Variants in PDE4D observed in about 807,000 individuals in gnomAD.
The protein encoded by PDE4D is phosphodiesterase 4D.
A neutral mutation model predicts 87.4 loss-of-function variants in PDE4D; 24 were observed. The observed-to-expected ratio is 0.27, with a 90% confidence interval of 0.20 to 0.39. The LOEUF is 0.39. PDE4D is among the 10% of genes least tolerant of loss of function. The pLI, the probability that PDE4D is intolerant of heterozygous loss-of-function variation, is 1.00. For missense variants in PDE4D, 714 were observed against 1,041.0 expected (o/e 0.69, Z 4.32); for synonymous variants, 384 against 383.2 (o/e 1.00, Z -0.02).
intron 1 of PDE4D, among the ~76,000 whole-genome samples, chr5:59,767,150 C>CTT (rs34936913): frequency 4.6e-5 from 7 of 151,286 alleles, no homozygotes; most frequent in South Asian, 2.1e-4. Context: ...CTTGTTTCTG[C>CTT]TTTTTTTTTC....
At chr5:59,375,057 C>T (rs1386496427) in intron 1 of PDE4D, among the ~76,000 whole-genome samples, 1 of 152,152 alleles carries the variant, frequency 6.6e-6, no homozygotes, top group Non-Finnish European at 1.5e-5. Context: ...ACATTTATAG[C>T]ATGAAATGCC....
intron 1 of PDE4D, among the ~76,000 whole-genome samples, chr5:60,402,801 C>T (rs945072217): frequency 2.0e-5 from 3 of 152,194 alleles, no homozygotes; most frequent in African/African-American, 7.2e-5. Flanking sequence ...AGTCCTAAAA[C>T]TGTCATTGTT....
At chr5:60,038,712 T>A (rs2152865791) in intron 2 of PDE4D, among the ~76,000 whole-genome samples, 1 of 151,716 alleles carries the variant, frequency 6.6e-6, no homozygotes, top group Middle Eastern at 3.4e-3. Flanking sequence ...ATATCCAGAA[T>A]CTACAATGAA....
intron 1 of PDE4D, among the ~76,000 whole-genome samples, chr5:59,670,088 T>C (rs1200943653): frequency 1.3e-5 from 2 of 152,196 alleles, no homozygotes; most frequent in Non-Finnish European, 2.9e-5. Flanking sequence ...GGAGTGTTGA[T>C]AGAATGTAAC....
At chr5:59,370,152 C>T (rs1417731139) in intron 1 of PDE4D, among the ~76,000 whole-genome samples, 5 of 152,186 alleles carry the variant, frequency 3.3e-5, no homozygotes, top group African/African-American at 9.6e-5. Flanking sequence ...ATTGCAGTGG[C>T]GTCATAACCA....
chr5:59,607,196 T>G (rs893955277), intron 1 of PDE4D, among the ~76,000 whole-genome samples: 1 of 152,144 alleles, frequency 6.6e-6, no homozygotes, highest in South Asian at 2.1e-4. Context: ...GTTCCCCATA[T>G]GCAAAATCAA....
intron 11 of PDE4D, among the ~76,000 whole-genome samples, chr5:58,977,871 T>C (rs1401624096): frequency 6.6e-6 from 1 of 152,182 alleles, no homozygotes; most frequent in Non-Finnish European, 1.5e-5. Context: ...CCAAGCTTTA[T>C]TCATTGTTTT....
At chr5:59,833,036 ATAGT>A (rs1741487201) in intron 1 of PDE4D, among the ~76,000 whole-genome samples, 1 of 152,046 alleles carries the variant, frequency 6.6e-6, no homozygotes, top group African/African-American at 2.4e-5. Context: ...TGGCAGTGAC[ATAGT>A]TAAACTGGGA....
intron 1 of PDE4D, among the ~76,000 whole-genome samples, chr5:59,621,252 T>A (rs1307426989): frequency 6.6e-6 from 1 of 152,202 alleles, no homozygotes; most frequent in East Asian, 1.9e-4. Flanking sequence ...GGGTAACTGA[T>A]CAGGTCTATT....
chr5:59,538,162 G>A (rs781760903), intron 1 of PDE4D, among the ~76,000 whole-genome samples: 2 of 152,188 alleles, frequency 1.3e-5, no homozygotes, highest in African/African-American at 2.4e-5. Flanking sequence ...ATTCTGCAAC[G>A]CTAAAATTCA....
intron 1 of PDE4D, among the ~76,000 whole-genome samples, chr5:60,353,444 A>T (rs1759360728): frequency 6.6e-6 from 1 of 152,260 alleles, no homozygotes; most frequent in Non-Finnish European, 1.5e-5. Context: ...AAAGCAAAGC[A>T]ACAAGATATC....
intron 1 of PDE4D, among the ~76,000 whole-genome samples, chr5:60,193,604 G>A (rs1292886904): frequency 4.8e-5 from 7 of 146,562 alleles, no homozygotes; most frequent in African/African-American, 1.0e-4. Context: ...CCCAGGGGGC[G>A]GAGCCTGCAG....
intron 1 of PDE4D, among the ~76,000 whole-genome samples, chr5:59,378,682 C>T (rs970435053): frequency 1.3e-5 from 2 of 152,144 alleles, no homozygotes; most frequent in Non-Finnish European, 2.9e-5. Flanking sequence ...TCATGCTACT[C>T]AAAACAATCA....
intron 1 of PDE4D, among the ~76,000 whole-genome samples, chr5:59,281,655 A>G (rs1321316633): frequency 6.6e-6 from 1 of 152,104 alleles, no homozygotes. Context: ...ATCTCCATCC[A>G]TCTCCAGAAC....
intron 1 of PDE4D, among the ~76,000 whole-genome samples, chr5:59,887,725 G>A (rs931461008): frequency 1.3e-5 from 2 of 151,860 alleles, no homozygotes; most frequent in African/African-American, 4.8e-5. Flanking sequence ...CCATCAGTGT[G>A]TGTGTGTGTG....
intron 1 of PDE4D, among the ~76,000 whole-genome samples, chr5:60,495,110 G>A (rs1288833296): frequency 6.6e-6 from 1 of 152,156 alleles, no homozygotes; most frequent in Non-Finnish European, 1.5e-5. Flanking sequence ...CCACAATACA[G>A]ATAAATATCA....
chr5:60,493,496 C>T (rs1324992468), intron 1 of PDE4D, among the ~76,000 whole-genome samples: 1 of 152,112 alleles, frequency 6.6e-6, no homozygotes, highest in African/African-American at 2.4e-5. Flanking sequence ...CTTAGACGTG[C>T]TCACTAAGAA....
At chr5:59,485,763 A>C (rs1326997019) in intron 1 of PDE4D, among the ~76,000 whole-genome samples, 1 of 152,162 alleles carries the variant, frequency 6.6e-6, no homozygotes, top group Non-Finnish European at 1.5e-5. Context: ...ATTAACACTC[A>C]GACATTCTCA....
chr5:59,038,223 C>A (rs1319446710), intron 6 of PDE4D, among the ~76,000 whole-genome samples: 1 of 152,212 alleles, frequency 6.6e-6, no homozygotes, highest in African/African-American at 2.4e-5. Context: ...AGACCAGCAC[C>A]TTAGCACATA....
Sources: gnomAD v4.1 joint callset for allele counts (sites outside exome capture counted in the v4.1 genomes callset) on GRCh38, gnomAD v4.1.1 for gene constraint, MANE v1.5 for transcripts, NCBI Gene and HGNC (gene_info 2026-07-23, HGNC 2026-07-21) for gene names.